The following KRT6B variants were observed in gnomAD, a reference collection of about 807,000 sequenced individuals.
KRT6B encodes keratin, type II cytoskeletal 6B.
Under a neutral mutation model 44.7 loss-of-function variants are expected in KRT6B, and 29 were observed. That is an observed-to-expected ratio of 0.65 (90% confidence interval 0.48 to 0.88). The LOEUF is 0.88. Ranked by LOEUF, KRT6B falls within the 40% of genes least tolerant of loss-of-function variation. The probability of loss-of-function intolerance (pLI) is 0.00; values close to 1 mark genes in which losing one functional copy is unlikely to be tolerated. For missense variants in KRT6B, 600 were observed against 724.0 expected (o/e 0.83, Z 1.97); for synonymous variants, 213 against 296.0 (o/e 0.72, Z 2.88).
intron 6 of KRT6B, among the ~76,000 whole-genome samples, 193 bp from the exon 7 acceptor site, chr12:52,448,191 C>T (rs1328061632): frequency 6.6e-6 from 1 of 152,146 alleles, no homozygotes; most frequent in Admixed American, 6.5e-5. Flanking sequence ...AAATCCTGTG[C>T]CCTTTCTGTT....
rs749339703 is a variant in KRT6B, at chr12:52,447,874, C to T, written c.1328G>A (p.Arg443Gln). 3.8e-5 allele frequency: 61 copies of T among 1,614,052 alleles called. No individual in the cohort carries two copies. The highest frequency in any genetic ancestry group is 3.3e-4 in the South Asian group (30 of 91,090). Residue 443 changes from arginine to glutamine, a missense_variant, in exon 7 of 9, where the codon CGG (arginine) becomes CAG (glutamine). Coordinates refer to ENST00000252252, the MANE Select transcript of KRT6B (RefSeq NM_005555.4). ...CAGCTCCTGGTACTCCTTCAGCAGC[C>T]GGGCCAGGTCCTGCTTGGCCTTCTG... is the stretch of plus-strand genomic sequence containing the variant. The part of the protein sequence containing the change: ...ALQKAKQDLA[R>Q]LLKEYQELMN...
chr12:52,446,991 C>A lies in KRT6B; in HGVS notation c.*199G>T, dbSNP rs1276899083. On this transcript the variant is annotated 3_prime_UTR_variant, in exon 9 of 9. Coordinates refer to ENST00000252252, the MANE Select transcript of KRT6B (RefSeq NM_005555.4). ...AAAAGGACATTCGCATGTCTGAGTG[C>A]TGATAACTGTTGACTTGATGGTAAG... 7.8e-6 allele frequency: 5 copies of A among 639,450 alleles called. No homozygotes were observed. In the African/African-American group the frequency reaches 9.2e-5, roughly 12 times the overall value. The allele number at this position is 639,450 out of a possible 1,614,324, so 39.6% of individuals were successfully genotyped here.
Position 52,447,086 on chromosome 12 carries a change from G to C in KRT6B, c.*104C>G. ...GGGCATCCCAGCTCTACCCGGGAGG[G>C]CAGGGGAGACTGGAGGCCAGGGGAG... On this transcript the variant is annotated 3_prime_UTR_variant, in exon 9 of 9. Transcript: ENST00000252252. 1 of 1,446,722 alleles carries C rather than the reference G, an allele frequency of 6.9e-7. No individual in the cohort carries two copies. Among genetic ancestry groups the C allele is most frequent in the Non-Finnish European group, 9.5e-7 (1 of 1,048,382 alleles). 89.6% of individuals were successfully genotyped at this position (1,446,722 alleles called of 1,614,324 possible). A position where few individuals can be genotyped will look rare whatever the true frequency, so the allele number is the denominator to read the frequency against.
At chr12:52,451,011 A>T (rs574420761) in intron 1 of KRT6B, among the ~76,000 whole-genome samples, 42 of 152,244 alleles carry the variant, frequency 2.8e-4, no homozygotes, top group African/African-American at 9.6e-4. Flanking sequence ...ATTACATTTC[A>T]GTCTACTTTC....
chr12:52,451,652 T>G lies in KRT6B; in HGVS notation c.427A>C (p.Ser143Arg), dbSNP rs776244062. The G allele has an allele frequency of 6.2e-7, 1 of 1,612,706 alleles. No individual in the cohort carries two copies. Among genetic ancestry groups the G allele is most frequent in the Non-Finnish European group, 8.5e-7 (1 of 1,179,988 alleles). The change falls in exon 1 of 9, where the codon AGT becomes CGT. Residue 143 changes from serine to arginine, a missense_variant. Coordinates refer to ENST00000252252, the MANE Select transcript of KRT6B (RefSeq NM_005555.4). The stretch of plus-strand genomic sequence containing the variant: ...TGCAGGTTGAGGGGAGTCAGGAGAC[T>G]CTGGTTGACAGTGACCTCTTGGATG... ...GGIQEVTVNQ[S>R]LLTPLNLQID...
At chr12:52,450,699 T>A (rs1249506017) in intron 1 of KRT6B, 79 bp from the exon 2 acceptor site, 57 of 1,604,940 alleles carry the variant, frequency 3.6e-5, no homozygotes, top group Admixed American at 8.5e-5. Context: ...CCTGGAGGTC[T>A]GGGAGGTCCC....
At chr12:52,450,117 A>G in intron 2 of KRT6B, 45 bp from the exon 3 acceptor site, 1 of 1,613,918 alleles carries the variant, frequency 6.2e-7, no homozygotes, top group Non-Finnish European at 8.5e-7. Context: ...AGTGGGTAGG[A>G]TGAAACAGAA....
At position 52,447,078 on chromosome 12, in the gene KRT6B, C is replaced by A; in HGVS notation, c.*112G>T. 3.6e-6 allele frequency: 5 copies of A among 1,387,008 alleles called. No homozygotes were observed. Among genetic ancestry groups the A allele is most frequent in the Non-Finnish European group, 5.0e-6 (5 of 1,003,750 alleles). The allele number at this position is 1,387,008 out of a possible 1,614,324, so 85.9% of individuals were successfully genotyped here. On this transcript the variant is annotated 3_prime_UTR_variant, in exon 9 of 9. Transcript: ENST00000252252. ...AAAAGTGAGGGCATCCCAGCTCTAC[C>A]CGGGAGGGCAGGGGAGACTGGAGGC...
At position 52,449,500 on chromosome 12, in the gene KRT6B, C is replaced by T. The variant is rs1376618310; in HGVS notation, c.1046G>A (p.Arg349Lys). The change falls in exon 5 of 9, where the codon AGG becomes AAG. Residue 349 changes from arginine (R) to lysine (K), a missense_variant. Coordinates refer to ENST00000252252, the MANE Select transcript of KRT6B (RefSeq NM_005555.4). The stretch of plus-strand genomic sequence containing the variant: ...CTGGTACCAGGACTCAGCCTCAGCC[C>T]TGCTCCTCTGAGCAATCTCCTCATA... The part of the protein sequence containing the change: ...AQYEEIAQRS[R>K]AEAESWYQTK... 1 of 1,614,078 alleles carries T rather than the reference C, an allele frequency of 6.2e-7. No homozygotes were observed. Among genetic ancestry groups the T allele is most frequent in the Non-Finnish European group, 8.5e-7 (1 of 1,180,052 alleles).
rs779143449 is a variant in KRT6B at position 52,447,190 on chromosome 12, T to C, written c.1695A>G (p.Ter565TrpextTer84). Reference sequence around the variant, plus strand: ...GGGACTGAGAGCTGGCGGCAGCACTTCAGTGCTTGTAGCTCTTCCTGCTGG... The same window carrying C: ...GGGACTGAGAGCTGGCGGCAGCACTCCAGTGCTTGTAGCTCTTCCTGCTGG... ...SSSSRKSYKH[*>W] The change falls in exon 9 of 9, where the codon TGA (stop) becomes TGG (tryptophan). Residue 565 changes from the stop codon to tryptophan, a stop_lost. Transcript: ENST00000252252. The C allele has an allele frequency of 6.2e-7, 1 of 1,614,004 alleles. No homozygotes were observed. The highest frequency in any genetic ancestry group is 1.1e-5 in the South Asian group (1 of 91,068).
rs994422223 is a variant in KRT6B, at chr12:52,447,589, C to T, written c.1425-16G>A. ...GCCATTCAGCCTGTGGAGAGGAACA[C>T]AGGGAGGGTGAGACCTTCCCTGGAC... is the stretch of plus-strand genomic sequence containing the variant. On this transcript the variant is annotated splice_polypyrimidine_tract_variant and intron_variant, in intron 7 of 8. Transcript: ENST00000252252. The T allele has an allele frequency of 6.8e-6, 11 of 1,613,886 alleles. No homozygotes were observed. In the African/African-American group the frequency reaches 1.2e-4, roughly 18 times the overall value.
Position 52,450,436 on chromosome 12 carries a change from A to T in KRT6B, c.725T>A (p.Met242Lys). 6.2e-7 allele frequency: 1 copy of T among 1,614,192 alleles called. No individual in the cohort carries two copies. The highest frequency in any genetic ancestry group is 2.2e-5 in the East Asian group (1 of 44,888). The change falls in exon 2 of 9, where the codon ATG becomes AAG. Residue 242 changes from methionine to lysine, a missense_variant. By Grantham distance (95) the Met-to-Lys change is moderately conservative. Around this residue, in one of 4 missense-constraint regions of KRT6B, gnomAD observed 479 missense variants for 454.2 expected, o/e 1.05. Coordinates refer to ENST00000252252, the MANE Select transcript of KRT6B (RefSeq NM_005555.4). Reference protein sequence around the residue: ...RGRLDSELRNMQDLVEDLKNK... With the variant: ...RGRLDSELRNKQDLVEDLKNK... The stretch of plus-strand genomic sequence containing the variant: ...CTTGAGGTCCTCCACCAGGTCCTGC[A>T]TGTTTCTCAGCTCCGAGTCCAGACG...
Position 52,448,823 on chromosome 12 carries a change from C to G in KRT6B, c.1203+19G>C, listed in dbSNP as rs779055245. On this transcript the variant is annotated intron_variant, in intron 6 of 8. Transcript: ENST00000252252. ...ATAAAAAAAATGATGCTTTTCTCCTCCATTGCCCCTCACCATACCTGCTTC... is the reference window on the plus strand; with the variant it reads ...ATAAAAAAAATGATGCTTTTCTCCTGCATTGCCCCTCACCATACCTGCTTC... The G allele has an allele frequency of 1.1e-5, 18 of 1,614,162 alleles. No individual in the cohort carries two copies. Among genetic ancestry groups the G allele is most frequent in the Non-Finnish European group, 1.4e-5 (16 of 1,180,034 alleles).
chr12:52,448,937 G>A lies in KRT6B; in HGVS notation c.1108C>T (p.His370Tyr). ...TTGGTGTTGCGCAGGTCGTCCCCAT[G>A]TCTGCCTGCTGTGATCTGCAGCTCC... Reference protein sequence around the residue: ...YEELQITAGRHGDDLRNTKQE... With the variant: ...YEELQITAGRYGDDLRNTKQE... The change falls in exon 6 of 9, where the codon CAT (histidine) becomes TAT (tyrosine). Residue 370 changes from histidine to tyrosine, a missense_variant. His to Tyr is a moderately conservative substitution (Grantham distance 83). Around this residue, in one of 4 missense-constraint regions of KRT6B, gnomAD observed 479 missense variants for 454.2 expected, o/e 1.05. Transcript: ENST00000252252. The A allele has an allele frequency of 6.2e-7, 1 of 1,613,728 alleles. No homozygotes were observed. Among genetic ancestry groups the A allele is most frequent in the South Asian group, 1.1e-5 (1 of 91,032 alleles).
At chr12:52,450,217 C>A (rs1221758526) in intron 2 of KRT6B, 145 bp from the exon 3 acceptor site, 1 of 1,538,308 alleles carries the variant, frequency 6.5e-7, no homozygotes, top group African/African-American at 1.4e-5. Context: ...AATTTTGCTA[C>A]TACTAAATTT....
In KRT6B at chr12:52,447,008, G is replaced by T. The variant is rs1338768527; in HGVS notation, c.*182C>A. 3.0e-5 allele frequency: 21 copies of T among 693,116 alleles called. No homozygotes were observed. Among genetic ancestry groups the T allele is most frequent in the Non-Finnish European group, 4.6e-5 (19 of 413,600 alleles). The allele number at this position is 693,116 out of a possible 1,614,324, so 42.9% of individuals were successfully genotyped here. On this transcript the variant is annotated 3_prime_UTR_variant, in exon 9 of 9. Coordinates refer to ENST00000252252, the MANE Select transcript of KRT6B (RefSeq NM_005555.4). Reference sequence around the variant, plus strand: ...TCTGAGTGCTGATAACTGTTGACTTGATGGTAAGCAACAGGAGCTCAGTGG... The same window carrying T: ...TCTGAGTGCTGATAACTGTTGACTTTATGGTAAGCAACAGGAGCTCAGTGG...
At chr12:52,447,750 G>C in intron 7 of KRT6B, 28 bp downstream of exon 7, 1 of 1,614,230 alleles carries the variant, frequency 6.2e-7, no homozygotes, top group Non-Finnish European at 8.5e-7. Context: ...GGACTCAGCT[G>C]TTGGAGGAAG....
At chr12:52,448,149 T>C (rs1056534995) in intron 6 of KRT6B, 151 bp from the exon 7 acceptor site, 2 of 1,064,884 alleles carry the variant, frequency 1.9e-6, no homozygotes, top group Non-Finnish European at 2.8e-6. Context: ...TTTTACTGTC[T>C]TCAAAGTTTT....
Position 52,447,208 on chromosome 12 carries a change from C to A in KRT6B, c.1677G>T (p.Arg559Ser), listed in dbSNP as rs747495865. The part of the protein sequence containing the change: ...IKYTTTSSSS[R>S]KSYKH ...CAGCACTTCAGTGCTTGTAGCTCTTCCTGCTGGAGGAGGAGGTGGTGGTGT... is the reference window on the plus strand; with the variant it reads ...CAGCACTTCAGTGCTTGTAGCTCTTACTGCTGGAGGAGGAGGTGGTGGTGT... Residue 559 changes from arginine (R) to serine (S), a missense_variant, in exon 9 of 9, where the codon AGG (arginine) becomes AGT (serine). Arg to Ser is a moderately radical substitution (Grantham distance 110). Transcript: ENST00000252252. 1 of 1,614,090 alleles carries A rather than the reference C, an allele frequency of 6.2e-7. No individual in the cohort carries two copies. The highest frequency in any genetic ancestry group is 1.7e-5 in the Admixed American group (1 of 60,014).
Sources: gnomAD v4.1 joint callset for allele counts (sites outside exome capture counted in the v4.1 genomes callset) on GRCh38, gnomAD v4.1.1 for gene constraint, gnomAD v4.1.1 regional missense constraint, MANE v1.5 for transcripts, NCBI Gene and HGNC (gene_info 2026-07-23, HGNC 2026-07-21) for gene names.